The following BCAS3 variants were observed in gnomAD, a reference collection of about 807,000 sequenced individuals.
BCAS3 encodes the protein BCAS4/BCAS3 fusion.
Under a neutral mutation model 116.1 loss-of-function variants are expected in BCAS3, and 53 were observed. The observed-to-expected ratio is 0.46, with a 90% CI of 0.37 to 0.57. BCAS3 has a LOEUF of 0.57. Among genes scored for constraint, BCAS3 ranks in the 20% least tolerant of loss-of-function variants. BCAS3 has a pLI of 0.00. For missense variants in BCAS3, 917 were observed against 1,165.4 expected (o/e 0.79, Z 3.10); for synonymous variants, 391 against 408.2 (o/e 0.96, Z 0.51).
At position 61,367,014 on chromosome 17, in the gene BCAS3, GACCGCCTGCCGAGGCTGGGGCTCGC is replaced by G. The variant is rs2058776117; in HGVS notation, c.2426-1309_2426-1285del. On this transcript the variant is annotated intron_variant, in intron 22 of 23. Coordinates refer to ENST00000407086, the MANE Select transcript of BCAS3 (RefSeq NM_017679.5). The surrounding 1 kb of genome is among the most constrained non-coding windows in gnomAD (Gnocchi z 6.2). Reference sequence around the variant, plus strand: ...ATGCTGTGGCCATTATCAGAGGCAGGACCGCCTGCCGAGGCTGGGGCTCGCACCCTCTCTATTACCACCTGTCATT... The same window carrying G: ...ATGCTGTGGCCATTATCAGAGGCAGGACCCTCTCTATTACCACCTGTCATT... Among the ~76,000 whole-genome samples, 1 of 152,204 alleles carries G rather than the reference GACCGCCTGCCGAGGCTGGGGCTCGC, an allele frequency of 6.6e-6. No individual in the cohort carries two copies. The highest frequency in any genetic ancestry group is 2.1e-4 in the South Asian group (1 of 4,832).
intron 6 of BCAS3, among the ~76,000 whole-genome samples, chr17:60,770,842 T>TG (rs1568213577): frequency 2.8e-5 from 2 of 70,372 alleles, no homozygotes; most frequent in African/African-American, 3.9e-4. Context: ...TTGTTTTTTT[T>TG]TTTTTTTTTT....
chr17:61,075,280 C>T (rs1225770439), intron 20 of BCAS3, among the ~76,000 whole-genome samples: 1 of 152,038 alleles, frequency 6.6e-6, no homozygotes, highest in South Asian at 2.1e-4. Flanking sequence ...GTATTTTTCA[C>T]ACAATCCATT....
At chr17:61,191,386 T>A (rs576487188) in intron 22 of BCAS3, among the ~76,000 whole-genome samples, 1 of 152,076 alleles carries the variant, frequency 6.6e-6, no homozygotes, top group Non-Finnish European at 1.5e-5. Flanking sequence ...AAATTTAAGA[T>A]CCTCAAAAGG....
intron 18 of BCAS3, among the ~76,000 whole-genome samples, chr17:61,040,238 A>G (rs1189176523): frequency 2.0e-5 from 3 of 152,206 alleles, no homozygotes; most frequent in Non-Finnish European, 4.4e-5. Flanking sequence ...TGCTGGATTG[A>G]TCTGATCAAT....
intron 6 of BCAS3, among the ~76,000 whole-genome samples, chr17:60,795,979 C>T (rs1171121778): frequency 1.3e-5 from 2 of 152,138 alleles, no homozygotes; most frequent in Non-Finnish European, 2.9e-5. Context: ...TGTGAGCCAC[C>T]ACTCCCTGCC....
chr17:61,094,154 T>TTC (rs1197243691), intron 22 of BCAS3, among the ~76,000 whole-genome samples: 3 of 152,180 alleles, frequency 2.0e-5, no homozygotes, highest in Non-Finnish European at 4.4e-5. Context: ...TACTTAAGAG[T>TTC]TCTTTTTTAA....
At chr17:61,386,202 C>T (rs919565095) in intron 23 of BCAS3, among the ~76,000 whole-genome samples, 1 of 152,214 alleles carries the variant, frequency 6.6e-6, no homozygotes, top group African/African-American at 2.4e-5. Context: ...AGTAACTTTC[C>T]CAAAGTCTCC....
intron 7 of BCAS3, among the ~76,000 whole-genome samples, chr17:60,841,104 AG>A: frequency 6.6e-6 from 1 of 152,308 alleles, no homozygotes; most frequent in South Asian, 2.1e-4. Flanking sequence ...ACTTTAAGTA[AG>A]GAACTTAATT....
chr17:60,907,097 A>C (rs1042745725), intron 11 of BCAS3, among the ~76,000 whole-genome samples: 5 of 152,160 alleles, frequency 3.3e-5, no homozygotes, highest in African/African-American at 4.8e-5. Flanking sequence ...AGCTCCTTAG[A>C]GGAAATAATC....
chr17:60,712,124 C>G (rs2038001430), intron 5 of BCAS3, among the ~76,000 whole-genome samples: 2 of 152,150 alleles, frequency 1.3e-5, no homozygotes, highest in African/African-American at 4.8e-5. Context: ...AAGATTGCGC[C>G]ACTGCACTCC....
chr17:61,243,378 A>G lies in BCAS3; in HGVS notation c.2426-124949A>G, dbSNP rs1181961496. Among the ~76,000 whole-genome samples the G allele has an allele frequency of 6.6e-6, 1 of 152,162 alleles. No homozygotes were observed. The highest frequency in any genetic ancestry group is 1.5e-5 in the Non-Finnish European group (1 of 68,028). ...ATTTTCTTTATCCATTCATTCATGG[A>G]TGGACATTTAGTTTGCTTCTACATC... On this transcript the variant is annotated intron_variant, in intron 22 of 23. Coordinates refer to ENST00000407086, the MANE Select transcript of BCAS3 (RefSeq NM_017679.5). The surrounding 1 kb of genome is among the most constrained non-coding windows in gnomAD (Gnocchi z 5.6).
chr17:61,332,298 C>A lies in BCAS3; in HGVS notation c.2426-36029C>A, dbSNP rs1370123417. On this transcript the variant is annotated intron_variant, in intron 22 of 23. Transcript: ENST00000407086. This position sits in a 1 kb window ranked among gnomAD's most constrained non-coding sequence, Gnocchi z 5.4. Reference sequence around the variant, plus strand: ...CTAGGACAGCAGGCTTAAGGTATGCCCAGCGCTCAGACACCTAGTCATCCA... The same window carrying A: ...CTAGGACAGCAGGCTTAAGGTATGCACAGCGCTCAGACACCTAGTCATCCA... Among the ~76,000 whole-genome samples, 6 of 152,104 alleles carry A rather than the reference C, an allele frequency of 3.9e-5. No homozygotes were observed. The highest frequency in any genetic ancestry group is 8.8e-5 in the Non-Finnish European group (6 of 68,012).
intron 22 of BCAS3, among the ~76,000 whole-genome samples, chr17:61,115,311 A>G (rs925814532): frequency 1.3e-5 from 2 of 152,322 alleles, no homozygotes; most frequent in African/African-American, 2.4e-5. Flanking sequence ...GCAACCTACA[A>G]AATTGGAGAA....
At chr17:60,822,435 A>G in intron 7 of BCAS3, among the ~76,000 whole-genome samples, 1 of 152,140 alleles carries the variant, frequency 6.6e-6, no homozygotes, top group East Asian at 1.9e-4. Flanking sequence ...TCTCGTTTAT[A>G]ATATTGTTTA....
At chr17:60,978,404 C>A (rs1288822151) in intron 14 of BCAS3, among the ~76,000 whole-genome samples, 1 of 150,842 alleles carries the variant, frequency 6.6e-6, no homozygotes, top group Non-Finnish European at 1.5e-5. Context: ...GGATATTAGC[C>A]CTTTGTGAGA....
intron 6 of BCAS3, among the ~76,000 whole-genome samples, chr17:60,762,327 T>G (rs2144358376): frequency 6.6e-6 from 1 of 152,320 alleles, no homozygotes; most frequent in African/African-American, 2.4e-5. Context: ...GTTTTTATGG[T>G]TTTAGGTCTA....
chr17:61,287,734 AAAAAC>A (rs745378802), intron 22 of BCAS3, among the ~76,000 whole-genome samples: 33 of 151,188 alleles, frequency 2.2e-4, no homozygotes, highest in Non-Finnish European at 3.7e-4. Flanking sequence ...TCAAAAAACA[AAAAAC>A]AAAACAAAAA....
intron 12 of BCAS3, among the ~76,000 whole-genome samples, chr17:60,920,287 A>G (rs975433457): frequency 6.6e-6 from 1 of 152,236 alleles, no homozygotes; most frequent in Non-Finnish European, 1.5e-5. Flanking sequence ...TGCACAGCAA[A>G]ATAAACTATC....
At chr17:61,294,083 A>T (rs2052676821) in intron 22 of BCAS3, among the ~76,000 whole-genome samples, 1 of 152,204 alleles carries the variant, frequency 6.6e-6, no homozygotes, top group African/African-American at 2.4e-5. Context: ...AGTTTGTTGT[A>T]TCTCTAGTTA....
Sources: allele counts gnomAD v4.1 joint callset (sites outside exome capture counted in the v4.1 genomes callset), GRCh38; gene constraint gnomAD v4.1.1; non-coding constraint Gnocchi (gnomAD v3.1); transcripts MANE v1.5; gene names NCBI Gene and HGNC (gene_info 2026-07-23, HGNC 2026-07-21).